The following HDAC9 variants were observed in gnomAD, a reference collection of about 807,000 sequenced individuals.
HDAC9 encodes MEF-2 interacting transcription repressor (MITR) protein.
Under a neutral mutation model 139.4 loss-of-function variants are expected in HDAC9, and 41 were observed. The observed-to-expected ratio is 0.29, with a 90% confidence interval of 0.23 to 0.38. The LOEUF (loss-of-function observed/expected upper bound fraction) is 0.38, where lower values mean the gene tolerates loss of function less well. HDAC9 is among the 10% of genes least tolerant of loss of function. HDAC9 has a pLI of 1.00. For synonymous variants in HDAC9, 517 were observed against 476.2 expected (o/e 1.09, Z -1.12); for missense variants, 1,147 against 1,297.0 (o/e 0.88, Z 1.78).
intron 12 of HDAC9, chr7:18,668,930 C>T: frequency 5.2e-6 from 5 of 965,862 alleles, no homozygotes; most frequent in Non-Finnish European, 6.1e-6. Flanking sequence ...TATCAAAATA[C>T]ATTGCCAGTC....
At chr7:18,101,613 A>G (rs2128071559) in intron 1 of HDAC9, among the ~76,000 whole-genome samples, 1 of 152,268 alleles carries the variant, frequency 6.6e-6, no homozygotes, top group East Asian at 1.9e-4. Context: ...GATATTCTAC[A>G]TCTTTCTTTT....
At chr7:18,279,384 G>A (rs1001376072) in intron 2 of HDAC9, among the ~76,000 whole-genome samples, 2 of 151,768 alleles carry the variant, frequency 1.3e-5, no homozygotes, top group African/African-American at 4.8e-5. Flanking sequence ...TTCATATTTT[G>A]ATCTTTTCTA....
chr7:18,113,668 T>C (rs752068050), intron 1 of HDAC9, among the ~76,000 whole-genome samples: 14 of 152,248 alleles, frequency 9.2e-5, no homozygotes, highest in Non-Finnish European at 1.5e-4. Context: ...CACACTCTTA[T>C]TTGTATATGT....
At chr7:18,661,954 T>G (rs557349490) in intron 11 of HDAC9, among the ~76,000 whole-genome samples, 16 of 152,258 alleles carry the variant, frequency 1.1e-4, no homozygotes, top group African/African-American at 3.8e-4. Context: ...GACTGAACAA[T>G]GTGATTTCTG....
intron 12 of HDAC9, among the ~76,000 whole-genome samples, chr7:18,681,672 TC>T (rs1781897999): frequency 6.6e-6 from 1 of 152,018 alleles, no homozygotes; most frequent in East Asian, 1.9e-4. Context: ...GATTTGAGGT[TC>T]TTAACCAATT....
chr7:18,862,652 G>A (rs1481610111), intron 21 of HDAC9, among the ~76,000 whole-genome samples: 5 of 152,232 alleles, frequency 3.3e-5, no homozygotes, highest in South Asian at 2.1e-4. Context: ...CTCATCAGAG[G>A]AAGATGGTTA....
intron 2 of HDAC9, among the ~76,000 whole-genome samples, chr7:18,177,502 C>G (rs1789018269): frequency 6.6e-6 from 1 of 152,160 alleles, no homozygotes; most frequent in South Asian, 2.1e-4. Flanking sequence ...AGCTGCTTAC[C>G]TTCCCCAGGT....
chr7:18,326,298 A>G (rs1252240941), intron 1 of HDAC9, among the ~76,000 whole-genome samples: 1 of 152,128 alleles, frequency 6.6e-6, no homozygotes, highest in East Asian at 1.9e-4. Flanking sequence ...GTATGCTTGA[A>G]TAAAAGCATC....
chr7:18,381,198 CAAAAAAAAAAAA>C (rs60825586), intron 1 of HDAC9, among the ~76,000 whole-genome samples: 1 of 73,340 alleles, frequency 1.4e-5, no homozygotes, highest in African/African-American at 5.8e-5. Flanking sequence ...GACTCTGTCT[CAAAAAAAAAAAA>C]AAAAAAAAAA....
At chr7:18,863,411 G>A (rs767387588) in intron 21 of HDAC9, among the ~76,000 whole-genome samples, 5 of 152,268 alleles carry the variant, frequency 3.3e-5, no homozygotes, top group East Asian at 3.9e-4. Flanking sequence ...ACACAAATTC[G>A]TAAACTTTCT....
At position 18,146,923 on chromosome 7, in the gene HDAC9, A is replaced by C. The variant is rs531703305; in HGVS notation, c.-96-15306A>C. Among the ~76,000 whole-genome samples the C allele has an allele frequency of 3.3e-5, 5 of 152,340 alleles. No homozygotes were observed. In the East Asian group the frequency reaches 5.8e-4, roughly 18 times the overall value. On this transcript the variant is annotated intron_variant, in intron 1 of 12. Transcript: ENST00000417496. ...TAAAAAAGAGAAAAATAGGAATTGC[A>C]TCATGTTTGATAGAAGTATAAGTAA...
chr7:18,918,921 G>A (rs1458018334), intron 22 of HDAC9, among the ~76,000 whole-genome samples: 1 of 151,974 alleles, frequency 6.6e-6, no homozygotes. Flanking sequence ...TCTCTGGTTG[G>A]TTCAATAGAG....
At chr7:18,146,708 G>T (rs371016829) in intron 1 of HDAC9, among the ~76,000 whole-genome samples, 2 of 151,996 alleles carry the variant, frequency 1.3e-5, no homozygotes, top group African/African-American at 4.8e-5. Context: ...TCCTTCTAGC[G>T]AAAACAATTT....
At chr7:18,556,603 CA>C (rs149443580) in intron 2 of HDAC9, among the ~76,000 whole-genome samples, 2,776 of 152,090 alleles carry the variant, frequency 0.018, 89 homozygotes, top group African/African-American at 0.063. Flanking sequence ...ATTTCTGTCT[CA>C]ATCCAGTGTT....
chr7:18,886,554 G>T (rs564636063), intron 22 of HDAC9, among the ~76,000 whole-genome samples: 1 of 152,020 alleles, frequency 6.6e-6, no homozygotes, highest in Admixed American at 6.6e-5. Context: ...TTTTCATAGT[G>T]GTATATAAAA....
intron 6 of HDAC9, among the ~76,000 whole-genome samples, chr7:18,623,941 G>C (rs569284680): frequency 7.9e-5 from 12 of 152,146 alleles, no homozygotes; most frequent in Non-Finnish European, 1.2e-4. Flanking sequence ...TCCATTGCAG[G>C]GGGGGTAAAA....
intron 23 of HDAC9, among the ~76,000 whole-genome samples, chr7:18,939,936 C>A (rs574869114): frequency 6.6e-6 from 1 of 152,138 alleles, no homozygotes; most frequent in African/African-American, 2.4e-5. Context: ...TCAAGAGGGG[C>A]CTTTCTGAGG....
chr7:18,418,775 T>A (rs886309649), intron 1 of HDAC9, among the ~76,000 whole-genome samples: 1 of 152,202 alleles, frequency 6.6e-6, no homozygotes, highest in Non-Finnish European at 1.5e-5. Context: ...GTTTTGTTTT[T>A]TTTCTTTTCA....
intron 2 of HDAC9, among the ~76,000 whole-genome samples, chr7:18,252,424 A>G (rs1214543071): frequency 6.6e-6 from 1 of 152,214 alleles, no homozygotes; most frequent in Non-Finnish European, 1.5e-5. Context: ...CTGCAAAAGT[A>G]TAGCTTAATT....
Sources: allele counts gnomAD v4.1 joint callset (sites outside exome capture counted in the v4.1 genomes callset), GRCh38; gene constraint gnomAD v4.1.1; transcripts MANE v1.5; gene names NCBI Gene and HGNC (gene_info 2026-07-23, HGNC 2026-07-21).